Variants in WARS2 observed in about 807,000 individuals in gnomAD.
WARS2 encodes tryptophan--tRNA ligase, mitochondrial.
WARS2 carries 28 observed loss-of-function variants against 36.5 expected under a neutral mutation model. The ratio of observed to expected loss-of-function variants is 0.77; its 90% CI spans 0.57 to 1.05. The LOEUF (loss-of-function observed/expected upper bound fraction) is 1.05, where lower values mean the gene tolerates loss of function less well. Ranked by LOEUF, WARS2 falls within the 50% of genes least tolerant of loss-of-function variation. WARS2 has a pLI of 0.00. For missense variants in WARS2, 435 were observed against 456.8 expected (o/e 0.95, Z 0.44); for synonymous variants, 174 against 178.4 (o/e 0.98, Z 0.20).
chr1:119,043,443 C>T (rs1483623797), intron 3 of WARS2, among the ~76,000 whole-genome samples: 1 of 152,290 alleles, frequency 6.6e-6, no homozygotes, highest in South Asian at 2.1e-4. Flanking sequence ...TCTGAAAATA[C>T]AACAGCTTCT....
In WARS2 at chr1:119,109,532, A is replaced by C. The variant is rs948680878; in HGVS notation, c.90+31023T>G. ...GATCCCCTTTTAGCTAGTTTCTTTT[A>C]TTTAGTTTTATCATGGTATATCCCC... On this transcript the variant is annotated intron_variant, in intron 1 of 5. Transcript: ENST00000235521. Among the ~76,000 whole-genome samples the C allele has an allele frequency of 2.0e-5, 3 of 151,736 alleles. No individual in the cohort carries two copies. In the East Asian group the frequency reaches 5.8e-4, roughly 29 times the overall value.
At chr1:119,060,789 A>C (rs1650309470) in intron 2 of WARS2, among the ~76,000 whole-genome samples, 1 of 152,232 alleles carries the variant, frequency 6.6e-6, no homozygotes, top group Admixed American at 6.5e-5. Context: ...AATATGATAG[A>C]AACCTGCATT....
intron 1 of WARS2, among the ~76,000 whole-genome samples, chr1:119,083,672 T>C (rs1318308633): frequency 6.6e-6 from 1 of 152,200 alleles, no homozygotes; most frequent in African/African-American, 2.4e-5. Context: ...GATTACATCA[T>C]CACCTCAGGG....
intron 2 of WARS2, among the ~76,000 whole-genome samples, chr1:119,074,436 G>C (rs1651569241): frequency 6.6e-6 from 1 of 152,144 alleles, no homozygotes; most frequent in Non-Finnish European, 1.5e-5. Context: ...ATGAATGAAT[G>C]GAAACTATAT....
At chr1:119,115,056 G>A (rs947128995) in intron 1 of WARS2, among the ~76,000 whole-genome samples, 10 of 152,150 alleles carry the variant, frequency 6.6e-5, no homozygotes, top group Non-Finnish European at 1.2e-4. Flanking sequence ...CTGGAAAGCT[G>A]CCAGTATGGT....
intron 1 of WARS2, among the ~76,000 whole-genome samples, chr1:119,096,702 A>T (rs192010362): frequency 6.6e-6 from 1 of 152,288 alleles, no homozygotes; most frequent in East Asian, 1.9e-4. Context: ...ATTAGCATGA[A>T]TAGAATATGG....
At chr1:119,085,389 G>T in intron 1 of WARS2, 2 of 1,398,828 alleles carry the variant, frequency 1.4e-6, no homozygotes, top group Non-Finnish European at 1.0e-6. Flanking sequence ...TTCCTTTACT[G>T]TCTTGCTTCT....
At position 119,033,344 on chromosome 1, in the gene WARS2, A is replaced by G; in HGVS notation, c.650T>C (p.Val217Ala). Residue 217 changes from valine to alanine, a missense_variant, in exon 6 of 6, where the codon GTA becomes GCA. Coordinates refer to ENST00000235521, the MANE Select transcript of WARS2 (RefSeq NM_015836.4). Reference protein sequence around the residue: ...PESILTSMKKVKSLRDPSAKM... With the variant: ...PESILTSMKKAKSLRDPSAKM... ...GGCAGAAGGATCACGTAGGGATTTT[A>G]CCTTCTTCATGGATGCTAGGTTAAA... is the stretch of plus-strand genomic sequence containing the variant. 6.2e-7 allele frequency: 1 copy of G among 1,614,202 alleles called. No individual in the cohort carries two copies. The highest frequency in any genetic ancestry group is 1.1e-5 in the South Asian group (1 of 91,074).
chr1:119,140,528 G>C (rs762338734), intron 1 of WARS2, 27 bp downstream of exon 1: 1 of 1,605,000 alleles, frequency 6.2e-7, no homozygotes, highest in African/African-American at 1.3e-5. Flanking sequence ...ATGGGAAGCC[G>C]CGGAGGGAAG....
chr1:119,095,305 TAG>T (rs1227759436), intron 1 of WARS2, among the ~76,000 whole-genome samples: 1 of 152,252 alleles, frequency 6.6e-6, no homozygotes, highest in African/African-American at 2.4e-5. Flanking sequence ...TTTATTAACT[TAG>T]TAGTTTAGTC....
Position 119,049,612 on chromosome 1 carries a change from A to G in WARS2, c.349-3950T>C, listed in dbSNP as rs78575931. On this transcript the variant is annotated intron_variant, in intron 2 of 5. Coordinates refer to ENST00000235521, the MANE Select transcript of WARS2 (RefSeq NM_015836.4). ...GATATCTAACAGGTTCTCAAGCTCA[A>G]CACATCCAAAACGTAACTCCTGATC... Among the ~76,000 whole-genome samples, 1,189 of 152,318 alleles carry G rather than the reference A, an allele frequency of 7.8e-3. 14 individuals are homozygous for G. Among genetic ancestry groups the G allele is most frequent in the African/African-American group, 0.027 (1,131 of 41,562 alleles).
intron 5 of WARS2, 70 bp from the exon 6 acceptor site, chr1:119,033,429 C>T (rs369663634): frequency 1.9e-6 from 3 of 1,573,030 alleles, no homozygotes; most frequent in Non-Finnish European, 2.6e-6. Context: ...AAGATGTACA[C>T]ACAGACAGTT....
At chr1:119,061,719 C>T (rs1045786953) in intron 2 of WARS2, among the ~76,000 whole-genome samples, 6 of 151,700 alleles carry the variant, frequency 4.0e-5, no homozygotes, top group African/African-American at 1.5e-4. Context: ...AGCAACATGA[C>T]TGATCTAATG....
intron 2 of WARS2, chr1:119,062,774 A>C (rs1650494769): frequency 6.3e-6 from 1 of 159,594 alleles, no homozygotes; most frequent in African/African-American, 2.4e-5. Context: ...GTAAGAAGTG[A>C]CTTCTGCCTC....
At chr1:119,069,120 C>T (rs556545426) in intron 2 of WARS2, among the ~76,000 whole-genome samples, 1 of 152,276 alleles carries the variant, frequency 6.6e-6, no homozygotes, top group African/African-American at 2.4e-5. Context: ...ATCATTAGAA[C>T]ATTTTCTAAT....
At chr1:119,074,192 G>A (rs1330089576) in intron 2 of WARS2, among the ~76,000 whole-genome samples, 1 of 152,196 alleles carries the variant, frequency 6.6e-6, no homozygotes, top group African/African-American at 2.4e-5. Flanking sequence ...ATTGGCAATG[G>A]ATGTGAAGCT....
chr1:119,044,444 A>C (rs1456646337), intron 3 of WARS2, among the ~76,000 whole-genome samples: 2 of 152,254 alleles, frequency 1.3e-5, no homozygotes, highest in East Asian at 3.8e-4. Flanking sequence ...AAAATATGGC[A>C]GATAACATTA....
chr1:119,111,667 A>G (rs1654644428), intron 1 of WARS2, among the ~76,000 whole-genome samples: 1 of 152,260 alleles, frequency 6.6e-6, no homozygotes, highest in East Asian at 1.9e-4. Flanking sequence ...GCTTCCCCAC[A>G]TGACTGAGTC....
At chr1:119,045,219 T>G (rs971304525) in intron 3 of WARS2, among the ~76,000 whole-genome samples, 6 of 152,212 alleles carry the variant, frequency 3.9e-5, no homozygotes, top group African/African-American at 1.4e-4. Flanking sequence ...AAAACATTCT[T>G]TCCTTACTGC....
Sources: allele counts gnomAD v4.1 joint callset (sites outside exome capture counted in the v4.1 genomes callset), GRCh38; gene constraint gnomAD v4.1.1; transcripts MANE v1.5; gene names NCBI Gene and HGNC (gene_info 2026-07-23, HGNC 2026-07-21).